SORCS1: variants seen among roughly 807,000 people sequenced by gnomAD.
SORCS1 encodes the protein sortilin related VPS10 domain containing receptor 1.
In SORCS1, 60 loss-of-function variants were observed where a neutral mutation model predicts 146.1. That is an observed-to-expected ratio of 0.41 (90% confidence interval 0.33 to 0.51). The LOEUF (loss-of-function observed/expected upper bound fraction) is 0.51. Among genes scored for constraint, SORCS1 ranks in the 20% least tolerant of loss-of-function variants. The pLI is 0.21. For missense variants in SORCS1, 1,352 were observed against 1,487.6 expected, an observed-to-expected ratio of 0.91 and a Z score of 1.50; for synonymous variants, 637 against 584.0, an observed-to-expected ratio of 1.09 and a Z score of -1.31.
chr10:106,927,880 G>A (rs1228955987), intron 2 of SORCS1, among the ~76,000 whole-genome samples: 1 of 152,172 alleles, frequency 6.6e-6, no homozygotes, highest in Non-Finnish European at 1.5e-5. Context: ...TAGACATAAA[G>A]GTTCTCCAAG....
chr10:106,798,242 C>T lies in SORCS1; in HGVS notation c.727-21550G>A, dbSNP rs4918253. Among the ~76,000 whole-genome samples the T allele has an allele frequency of 4.7e-3, 714 of 152,304 alleles. 21 individuals are homozygous for T. The highest frequency in any genetic ancestry group is 0.037 in the Admixed American group (570 of 15,294). The stretch of plus-strand genomic sequence containing the variant: ...CATGATTGTGAGTCCTCCCCAGCCC[C>T]GTGCAACTTTAAGTCCATTAAACCT... On this transcript the variant is annotated intron_variant, in intron 3 of 25. Coordinates refer to ENST00000263054, the MANE Select transcript of SORCS1 (RefSeq NM_052918.5).
chr10:106,884,973 T>A (rs1175114985), intron 2 of SORCS1, among the ~76,000 whole-genome samples: 5 of 152,296 alleles, frequency 3.3e-5, no homozygotes, highest in Admixed American at 2.6e-4. Context: ...TTCACTGGGA[T>A]ACAAAAGCAC....
intron 17 of SORCS1, among the ~76,000 whole-genome samples, chr10:106,665,180 G>T (rs924117139): frequency 3.9e-5 from 6 of 151,906 alleles, no homozygotes; most frequent in African/African-American, 1.5e-4. Flanking sequence ...CTATTATTTT[G>T]ATAATCTTTT....
chr10:106,845,031 G>C (rs1418665609), intron 2 of SORCS1, among the ~76,000 whole-genome samples: 1 of 126,224 alleles, frequency 7.9e-6, no homozygotes, highest in Admixed American at 8.0e-5. Context: ...GAATAATGCC[G>C]CAATAAACAT....
At chr10:107,015,090 A>G (rs1957843593) in intron 1 of SORCS1, among the ~76,000 whole-genome samples, 1 of 152,190 alleles carries the variant, frequency 6.6e-6, no homozygotes, top group South Asian at 2.1e-4. Flanking sequence ...ACCAGAGTAT[A>G]CCCTATATCT....
intron 1 of SORCS1, among the ~76,000 whole-genome samples, chr10:107,136,114 G>A (rs1051545448): frequency 6.6e-6 from 1 of 151,164 alleles, no homozygotes; most frequent in Non-Finnish European, 1.5e-5. Context: ...GAGTGCAGTT[G>A]TAGAAAAAAA....
intron 2 of SORCS1, among the ~76,000 whole-genome samples, chr10:106,892,347 G>C (rs1026171817): frequency 6.6e-6 from 1 of 152,236 alleles, no homozygotes; most frequent in South Asian, 2.1e-4. Context: ...AAACAGATGT[G>C]GTTATTTACC....
intron 22 of SORCS1, 43 bp downstream of exon 22, chr10:106,611,868 G>C: frequency 7.0e-7 from 1 of 1,434,602 alleles, no homozygotes; most frequent in South Asian, 1.2e-5. Flanking sequence ...CAAGGACAGA[G>C]AGAAAAGGTA....
At chr10:106,976,452 CT>C (rs1956024421) in intron 1 of SORCS1, among the ~76,000 whole-genome samples, 1 of 151,628 alleles carries the variant, frequency 6.6e-6, no homozygotes, top group African/African-American at 2.4e-5. Flanking sequence ...CTGCCTTAGC[CT>C]CCCGAGTAGC....
chr10:106,585,867 C>T (rs1845201748), intron 24 of SORCS1, among the ~76,000 whole-genome samples: 1 of 152,140 alleles, frequency 6.6e-6, no homozygotes, highest in Admixed American at 6.6e-5. Flanking sequence ...TTAATTATTC[C>T]AACCAAAGCA....
intron 2 of SORCS1, among the ~76,000 whole-genome samples, chr10:106,953,652 T>C (rs909219777): frequency 1.3e-5 from 2 of 152,196 alleles, no homozygotes; most frequent in South Asian, 2.1e-4. Flanking sequence ...TATAGCATAC[T>C]ACTTATGTAG....
At chr10:106,876,096 T>A (rs1950579003) in intron 2 of SORCS1, among the ~76,000 whole-genome samples, 2 of 152,202 alleles carry the variant, frequency 1.3e-5, no homozygotes, top group Non-Finnish European at 2.9e-5. Flanking sequence ...TTTAAGCTCT[T>A]CTTCAGCATA....
chr10:106,745,599 G>A (rs1358069239), intron 5 of SORCS1, among the ~76,000 whole-genome samples: 1 of 152,106 alleles, frequency 6.6e-6, no homozygotes, highest in Non-Finnish European at 1.5e-5. Context: ...CAATTTTCTG[G>A]TTATATTAAC....
At chr10:107,125,022 G>A (rs989453772) in intron 1 of SORCS1, among the ~76,000 whole-genome samples, 5 of 145,204 alleles carry the variant, frequency 3.4e-5, no homozygotes, top group Non-Finnish European at 7.5e-5. Context: ...GCGCGATCTC[G>A]GCTCACTGCA....
intron 1 of SORCS1, among the ~76,000 whole-genome samples, chr10:107,003,663 T>C (rs1459101612): frequency 6.6e-6 from 1 of 152,154 alleles, no homozygotes; most frequent in Non-Finnish European, 1.5e-5. Flanking sequence ...AATGACATTA[T>C]CTGCAGTGTC....
chr10:107,102,738 A>G (rs1160775919), intron 1 of SORCS1, among the ~76,000 whole-genome samples: 1 of 152,194 alleles, frequency 6.6e-6, no homozygotes, highest in African/African-American at 2.4e-5. Flanking sequence ...TCTGCTAACT[A>G]AATAGGCTAA....
chr10:106,856,247 G>A (rs143699802), intron 2 of SORCS1, among the ~76,000 whole-genome samples: 17 of 152,170 alleles, frequency 1.1e-4, no homozygotes, highest in African/African-American at 3.1e-4. Context: ...GGCTGATTTC[G>A]AACTCCTGAC....
the SORCS1 span, among the ~76,000 whole-genome samples, chr10:107,179,540 T>C: frequency 1.3e-5 from 2 of 152,220 alleles, no homozygotes; most frequent in African/African-American, 4.8e-5. Context: ...TTTAGATCAT[T>C]GTGTGTATTC....
chr10:107,179,356 C>T, the SORCS1 span, among the ~76,000 whole-genome samples: 1 of 152,178 alleles, frequency 6.6e-6, no homozygotes, highest in African/African-American at 2.4e-5. Flanking sequence ...ACAATGCATA[C>T]ATGTATCATG....
Sources: allele counts gnomAD v4.1 joint callset (sites outside exome capture counted in the v4.1 genomes callset), GRCh38; gene constraint gnomAD v4.1.1; transcripts MANE v1.5; gene names NCBI Gene and HGNC (gene_info 2026-07-23, HGNC 2026-07-21).